The following KAZN variants were observed in gnomAD, a reference collection of about 807,000 sequenced individuals.
KAZN encodes the protein kazrin, periplakin interacting protein.
KAZN carries 40 observed loss-of-function variants against 87.4 expected under a neutral mutation model. The ratio of observed to expected loss-of-function variants is 0.46; its 90% CI spans 0.36 to 0.60. The LOEUF (loss-of-function observed/expected upper bound fraction) is 0.60. Ranked by LOEUF, KAZN falls within the 20% of genes least tolerant of loss-of-function variation. KAZN has a pLI of 0.00. For synonymous variants in KAZN, 466 were observed against 458.3 expected (o/e 1.02, Z -0.22); for missense variants, 898 against 1,073.9 (o/e 0.84, Z 2.29).
chr1:14,345,982 G>A (rs1340419077), intron 2 of KAZN, among the ~76,000 whole-genome samples: 2 of 152,194 alleles, frequency 1.3e-5, no homozygotes, highest in Non-Finnish European at 2.9e-5. Context: ...AAGCCTTATC[G>A]TACTAATATT....
At chr1:14,885,777 G>A (rs765747862) in intron 1 of KAZN, among the ~76,000 whole-genome samples, 1 of 152,080 alleles carries the variant, frequency 6.6e-6, no homozygotes, top group African/African-American at 2.4e-5. Flanking sequence ...TCAGCATCTT[G>A]TCCTAGTAGG....
intron 1 of KAZN, among the ~76,000 whole-genome samples, chr1:14,943,007 G>GGTGT (rs58102946): frequency 0.02 from 2,001 of 100,764 alleles, 41 homozygotes; most frequent in South Asian, 0.029. Flanking sequence ...GTGTGTGTGT[G>GGTGT]GTGTGTGTGT....
At chr1:15,075,950 G>A (rs1480869974) in intron 8 of KAZN, among the ~76,000 whole-genome samples, 1 of 152,240 alleles carries the variant, frequency 6.6e-6, no homozygotes, top group Admixed American at 6.5e-5. Context: ...GCTCTGAGCT[G>A]CCTAATTCCT....
At chr1:14,420,531 G>C (rs1255838581) in intron 2 of KAZN, among the ~76,000 whole-genome samples, 1 of 152,316 alleles carries the variant, frequency 6.6e-6, no homozygotes, top group Non-Finnish European at 1.5e-5. Flanking sequence ...CAGTCAGTGG[G>C]ACCAGGTGCC....
chr1:13,924,549 C>G (rs1395193346), intron 1 of KAZN, among the ~76,000 whole-genome samples: 2 of 152,218 alleles, frequency 1.3e-5, no homozygotes, highest in Non-Finnish European at 2.9e-5. Flanking sequence ...AAACCTGCCT[C>G]TGATTCTATT....
At chr1:14,963,666 G>T (rs1572934046) in intron 2 of KAZN, among the ~76,000 whole-genome samples, 1 of 152,266 alleles carries the variant, frequency 6.6e-6, no homozygotes, top group African/African-American at 2.4e-5. Context: ...GGTTACATGT[G>T]CAGAACGTGC....
chr1:14,749,225 T>C (rs900578004), intron 1 of KAZN, among the ~76,000 whole-genome samples: 1 of 152,204 alleles, frequency 6.6e-6, no homozygotes, highest in African/African-American at 2.4e-5. Context: ...CACAGTGCTA[T>C]GGGCAGCAAC....
chr1:14,697,949 A>G (rs904196179), intron 1 of KAZN, among the ~76,000 whole-genome samples: 1 of 152,180 alleles, frequency 6.6e-6, no homozygotes, highest in African/African-American at 2.4e-5. Flanking sequence ...AGCCCTTGGA[A>G]GTAGGAGAAA....
intron 1 of KAZN, among the ~76,000 whole-genome samples, chr1:14,157,510 G>A (rs1430644248): frequency 6.6e-6 from 1 of 152,100 alleles, no homozygotes; most frequent in African/African-American, 2.4e-5. Flanking sequence ...CTATTCTAGG[G>A]TAAAAGTTTT....
At chr1:14,704,219 A>G (rs1642084849) in intron 1 of KAZN, among the ~76,000 whole-genome samples, 1 of 152,188 alleles carries the variant, frequency 6.6e-6, no homozygotes, top group Non-Finnish European at 1.5e-5. Context: ...AAGAATAGGG[A>G]AGAAGTGTCT....
At chr1:14,422,665 G>GGT (rs1446934326) in intron 2 of KAZN, among the ~76,000 whole-genome samples, 1 of 152,178 alleles carries the variant, frequency 6.6e-6, no homozygotes, top group Non-Finnish European at 1.5e-5. Flanking sequence ...ATGATATCTA[G>GGT]GTAACATCCT....
intron 1 of KAZN, among the ~76,000 whole-genome samples, chr1:14,841,969 A>G (rs1417885691): frequency 6.6e-6 from 1 of 152,078 alleles, no homozygotes; most frequent in African/African-American, 2.4e-5. Context: ...CCCCACACAC[A>G]TTGCAGGCCT....
Position 14,425,911 on chromosome 1 carries a change from C to T in KAZN, c.250-173072C>T, listed in dbSNP as rs887465419. Among the ~76,000 whole-genome samples the T allele has an allele frequency of 5.9e-5, 9 of 152,336 alleles. No homozygotes were observed. In the East Asian group the frequency reaches 1.5e-3, roughly 26 times the overall value. On this transcript the variant is annotated intron_variant, in intron 2 of 16. Coordinates refer to the KAZN transcript ENST00000636203. ...GCCCAGGTGCACTCAACACATTCATCACCATCTCCCCTGCCCATCCCCCAA... is the reference window on the plus strand; with the variant it reads ...GCCCAGGTGCACTCAACACATTCATTACCATCTCCCCTGCCCATCCCCCAA...
intron 1 of KAZN, among the ~76,000 whole-genome samples, chr1:14,166,642 A>G (rs1413426758): frequency 6.6e-6 from 1 of 152,196 alleles, no homozygotes; most frequent in Non-Finnish European, 1.5e-5. Flanking sequence ...AGTTATTGGT[A>G]TAAGGGTTTT....
chr1:14,337,439 T>C (rs1657350090), intron 2 of KAZN, among the ~76,000 whole-genome samples: 1 of 152,230 alleles, frequency 6.6e-6, no homozygotes, highest in South Asian at 2.1e-4. Flanking sequence ...GAACCCTGAA[T>C]TTACAAATAC....
chr1:14,617,462 A>G (rs183777197), intron 1 of KAZN, among the ~76,000 whole-genome samples: 1 of 152,354 alleles, frequency 6.6e-6, no homozygotes, highest in Admixed American at 6.5e-5. Context: ...GACTTGCTGC[A>G]TGAGAGGGGT....
At chr1:14,722,549 G>A (rs2092395) in intron 1 of KAZN, among the ~76,000 whole-genome samples, 152,140 of 152,366 alleles carry the variant, frequency 1, 75,958 homozygotes, top group Middle Eastern at 1. Context: ...TCAAAACATT[G>A]CACTCTGGAT....
At chr1:13,989,374 C>A (rs547229835) in intron 1 of KAZN, among the ~76,000 whole-genome samples, 2 of 152,080 alleles carry the variant, frequency 1.3e-5, no homozygotes, top group East Asian at 3.9e-4. Flanking sequence ...TAGACAAAGC[C>A]CTAAACCTGG....
At chr1:14,732,624 G>A (rs1030087876) in intron 1 of KAZN, among the ~76,000 whole-genome samples, 2 of 152,152 alleles carry the variant, frequency 1.3e-5, no homozygotes, top group African/African-American at 4.8e-5. Context: ...GGGTGACAGA[G>A]CAAGACTCTG....
Sources: allele counts gnomAD v4.1 joint callset (sites outside exome capture counted in the v4.1 genomes callset), GRCh38; gene constraint gnomAD v4.1.1; transcripts MANE v1.5; gene names NCBI Gene and HGNC (gene_info 2026-07-23, HGNC 2026-07-21).